The following TF variants were observed in gnomAD, a reference collection of about 807,000 sequenced individuals.
TF encodes serotransferrin.
A neutral mutation model predicts 82.4 loss-of-function variants in TF; 55 were observed. The ratio of observed to expected loss-of-function variants is 0.67; its 90% CI spans 0.54 to 0.84. The LOEUF (loss-of-function observed/expected upper bound fraction) is 0.84. TF is among the 40% of genes least tolerant of loss of function. TF has a pLI of 0.00. For missense variants in TF, 737 were observed against 868.4 expected (o/e 0.85, Z 1.90); for synonymous variants, 332 against 332.6 (o/e 1.00, Z 0.02).
At chr3:133,766,706 G>A (rs1934136547) in intron 12 of TF, among the ~76,000 whole-genome samples, 1 of 152,210 alleles carries the variant, frequency 6.6e-6, no homozygotes, top group Non-Finnish European at 1.5e-5. Flanking sequence ...GACCAGAGGT[G>A]AGCAGTGCAT....
chr3:133,675,292 A>G, the TF span, among the ~76,000 whole-genome samples: 1 of 151,930 alleles, frequency 6.6e-6, no homozygotes, highest in East Asian at 1.9e-4. Context: ...CAAAAGAGCA[A>G]TATATGTGAC....
At position 133,789,826 on chromosome 3, in the gene TF, C is replaced by T. The variant is rs146598208; in HGVS notation, c.*11206C>T. 1.4e-5 allele frequency: 2 copies of T among 143,678 alleles called. No individual in the cohort carries two copies. The highest frequency in any genetic ancestry group is 5.3e-5 in the African/African-American group (2 of 38,024). 8.9% of individuals were successfully genotyped at this position (143,678 alleles called of 1,614,324 possible). ...GATATTTTGAGGTGTTAGGGTTTGG[C>T]ATAGAAGGTTATAAAACTATAAACC... On this transcript the variant is annotated 3_prime_UTR_variant, in exon 17 of 17. Coordinates refer to ENST00000402696, the MANE Select transcript of TF (RefSeq NM_001063.4).
rs1393735069 is a variant in TF at position 133,783,427 on chromosome 3, A to C, written c.*4807A>C. 3 of 152,240 alleles carry C rather than the reference A, an allele frequency of 2.0e-5. No individual in the cohort carries two copies. The highest frequency in any genetic ancestry group is 1.3e-4 in the Admixed American group (2 of 15,290). The allele number at this position is 152,240 out of a possible 1,614,324, so 9.4% of individuals were successfully genotyped here. On this transcript the variant is annotated 3_prime_UTR_variant, in exon 17 of 17. Coordinates refer to ENST00000402696, the MANE Select transcript of TF (RefSeq NM_001063.4). ...GCAGAAGAAAATCTCGTGGACCTCCAACTTACCGGTTAAAGTAAAAACTTT... is the reference window on the plus strand; with the variant it reads ...GCAGAAGAAAATCTCGTGGACCTCCCACTTACCGGTTAAAGTAAAAACTTT...
At chr3:133,751,237 T>G (rs1378606858) in intron 2 of TF, among the ~76,000 whole-genome samples, 3 of 148,398 alleles carry the variant, frequency 2.0e-5, no homozygotes, top group Non-Finnish European at 4.5e-5. Flanking sequence ...CACTTTTTTT[T>G]TTTTTTTTTT....
At chr3:133,730,085 T>C in the TF span, among the ~76,000 whole-genome samples, 2 of 152,206 alleles carry the variant, frequency 1.3e-5, no homozygotes, top group Non-Finnish European at 2.9e-5. Flanking sequence ...GAAATGAGCT[T>C]CTATCTCAAG....
At chr3:133,765,185 G>A (rs3811647) in intron 11 of TF, among the ~76,000 whole-genome samples, 47,216 of 151,970 alleles carry the variant, frequency 0.31, 7,779 homozygotes, top group South Asian at 0.42. Flanking sequence ...CAGACAGATC[G>A]TCTAGGATTA....
chr3:133,755,616 C>T, intron 5 of TF, 121 bp downstream of exon 5: 2 of 1,398,072 alleles, frequency 1.4e-6, no homozygotes, highest in Non-Finnish European at 2.0e-6. Flanking sequence ...TGGCCTAATC[C>T]CCTCCCAGTG....
At chr3:133,765,372 A>G (rs1360602120) in intron 11 of TF, among the ~76,000 whole-genome samples, 3 of 152,198 alleles carry the variant, frequency 2.0e-5, no homozygotes, top group Non-Finnish European at 2.9e-5. Context: ...AAATTATCTG[A>G]CCTTCTAGCC....
At chr3:133,710,794 C>G in the TF span, among the ~76,000 whole-genome samples, 1 of 152,078 alleles carries the variant, frequency 6.6e-6, no homozygotes, top group African/African-American at 2.4e-5. Flanking sequence ...TAAAATTGGC[C>G]CCCCCACAAC....
intron 12 of TF, 34 bp downstream of exon 12, chr3:133,766,467 G>T: frequency 1.2e-6 from 2 of 1,613,756 alleles, no homozygotes; most frequent in Non-Finnish European, 1.7e-6. Flanking sequence ...GCTGGTGAGG[G>T]CCATGCCAGA....
At chr3:133,708,507 G>A in the TF span, among the ~76,000 whole-genome samples, 1 of 151,988 alleles carries the variant, frequency 6.6e-6, no homozygotes, top group African/African-American at 2.4e-5. Context: ...AACATGAGGG[G>A]TTCAAGATAT....
rs1934503139 is a variant in TF, at chr3:133,780,941, AG to A, written c.*2323del. ...AGCATGAGAAGTGCTTGATCCTGGG[AG>A]GCAGAGGTTGCAGTGAGCCAAGGTC... is the stretch of plus-strand genomic sequence containing the variant. On this transcript the variant is annotated 3_prime_UTR_variant, in exon 17 of 17. Coordinates refer to ENST00000402696, the MANE Select transcript of TF (RefSeq NM_001063.4). 1 of 152,228 alleles carries A rather than the reference AG, an allele frequency of 6.6e-6. No individual in the cohort carries two copies. The highest frequency in any genetic ancestry group is 1.5e-5 in the Non-Finnish European group (1 of 68,088). The allele number at this position is 152,228 out of a possible 1,614,324, so 9.4% of individuals were successfully genotyped here.
chr3:133,720,268 A>G, the TF span, among the ~76,000 whole-genome samples: 1 of 152,150 alleles, frequency 6.6e-6, no homozygotes, highest in Non-Finnish European at 1.5e-5. Context: ...GTTGAGGTAC[A>G]TACTTTCTGT....
chr3:133,765,864 C>A lies in TF; in HGVS notation c.1331-414C>A, dbSNP rs41295798. Among the ~76,000 whole-genome samples the A allele has an allele frequency of 1.4e-4, 21 of 152,010 alleles. No homozygotes were observed. In the East Asian group the frequency reaches 2.5e-3, roughly 18 times the overall value. The stretch of plus-strand genomic sequence containing the variant: ...ATTCTCCTTATCAGAAAATGTTTGG[C>A]TCAGTTTTTTCTCTTTTGCTTATTG... On this transcript the variant is annotated intron_variant, in intron 11 of 16. Coordinates refer to ENST00000402696, the MANE Select transcript of TF (RefSeq NM_001063.4).
rs760060422 is a variant in TF at position 133,766,311 on chromosome 3, C to T, written c.1364C>T (p.Ala455Val). Residue 455 changes from alanine (A) to valine (V), a missense_variant, in exon 12 of 17, where the codon GCT (alanine) becomes GTT (valine). By Grantham distance (64) the Ala-to-Val change is moderately conservative. Coordinates refer to ENST00000402696, the MANE Select transcript of TF (RefSeq NM_001063.4). ...GCTATAGCAGTGGTGAAGAAATCAG[C>T]TTCTGACCTCACCTGGGACAATCTG... ...YFAIAVVKKS[A>V]SDLTWDNLKG... 2 of 1,614,108 alleles carry T rather than the reference C, an allele frequency of 1.2e-6. No homozygotes were observed. The highest frequency in any genetic ancestry group is 2.7e-5 in the African/African-American group (2 of 74,944).
chr3:133,713,018 T>C, the TF span, among the ~76,000 whole-genome samples: 2 of 152,180 alleles, frequency 1.3e-5, no homozygotes, highest in African/African-American at 2.4e-5. Context: ...TAGGGCACCT[T>C]AGGGCACCTA....
chr3:133,766,476 GA>G, intron 12 of TF, 43 bp downstream of exon 12: 1 of 1,613,112 alleles, frequency 6.2e-7, no homozygotes, highest in Non-Finnish European at 8.5e-7. Flanking sequence ...GGCCATGCCA[GA>G]AAGCAGGGTC....
upstream of TF, among the ~76,000 whole-genome samples, chr3:133,743,905 C>T (rs1933441033): frequency 2.0e-5 from 3 of 152,326 alleles, no homozygotes; most frequent in South Asian, 6.2e-4. Flanking sequence ...CAAAGCTGGC[C>T]TCACCCCTGC....
chr3:133,685,155 C>G, the TF span, among the ~76,000 whole-genome samples: 3 of 152,154 alleles, frequency 2.0e-5, no homozygotes, highest in East Asian at 1.9e-4. Context: ...ATTCAACAGC[C>G]CTTCATGCTA....
Sources: allele counts gnomAD v4.1 joint callset (sites outside exome capture counted in the v4.1 genomes callset), GRCh38; gene constraint gnomAD v4.1.1; transcripts MANE v1.5; gene names NCBI Gene and HGNC (gene_info 2026-07-23, HGNC 2026-07-21).